The following OSBPL1A variants were observed in gnomAD, a reference collection of about 807,000 sequenced individuals.
OSBPL1A encodes oxysterol-binding protein-related protein 1.
OSBPL1A carries 80 observed loss-of-function variants against 137.1 expected under a neutral mutation model. The observed-to-expected ratio is 0.58, with a 90% confidence interval of 0.49 to 0.70. The LOEUF is 0.70. Among genes scored for constraint, OSBPL1A ranks in the 30% least tolerant of loss-of-function variants. The pLI, the probability that OSBPL1A is intolerant of heterozygous loss-of-function variation, is 0.00. For synonymous variants in OSBPL1A, 365 were observed against 389.7 expected, an observed-to-expected ratio of 0.94 and a Z score of 0.75; for missense variants, 970 against 1,129.4, an observed-to-expected ratio of 0.86 and a Z score of 2.02.
chr18:24,282,315 TAAAA>T (rs559717317), intron 14 of OSBPL1A, among the ~76,000 whole-genome samples: 2 of 152,066 alleles, frequency 1.3e-5, no homozygotes, highest in East Asian at 1.9e-4. Flanking sequence ...AAGCAAGTAA[TAAAA>T]AAAATTATTC....
At chr18:24,248,351 A>G (rs1412637515) in intron 15 of OSBPL1A, among the ~76,000 whole-genome samples, 1 of 152,238 alleles carries the variant, frequency 6.6e-6, no homozygotes, top group Non-Finnish European at 1.5e-5. Flanking sequence ...ACAAAGCCTC[A>G]TGAGCACTAA....
intron 17 of OSBPL1A, among the ~76,000 whole-genome samples, chr18:24,203,498 A>C (rs1356383760): frequency 6.6e-6 from 1 of 152,222 alleles, no homozygotes; most frequent in Non-Finnish European, 1.5e-5. Flanking sequence ...ACTCCCCTTC[A>C]CATCGACAGA....
In OSBPL1A at chr18:24,356,131, G is replaced by A. The variant is rs183082412; in HGVS notation, c.282+10761C>T. On this transcript the variant is annotated intron_variant, in intron 4 of 27. Transcript: ENST00000319481. ...GCAGAGGTTGCAGTGAGCTGAGATC[G>A]CGCCACTGCATTCCAGCCTAGGCAA... Among the ~76,000 whole-genome samples, 305 of 151,922 alleles carry A rather than the reference G, an allele frequency of 2.0e-3. 2 individuals carry two copies. The highest frequency in any genetic ancestry group is 6.5e-3 in the African/African-American group (271 of 41,442).
At chr18:24,288,398 G>A (rs2090109189) in intron 14 of OSBPL1A, among the ~76,000 whole-genome samples, 2 of 152,186 alleles carry the variant, frequency 1.3e-5, no homozygotes, top group Admixed American at 6.5e-5. Flanking sequence ...TTAAGGCTGT[G>A]ACCATTCCAA....
At chr18:24,263,141 C>A (rs1043583464) in intron 15 of OSBPL1A, among the ~76,000 whole-genome samples, 17 of 152,110 alleles carry the variant, frequency 1.1e-4, no homozygotes, top group African/African-American at 4.1e-4. Flanking sequence ...TCTGTTTTGA[C>A]AAGTGTTTTC....
chr18:24,285,411 T>C (rs920852832), intron 14 of OSBPL1A, among the ~76,000 whole-genome samples: 1 of 152,226 alleles, frequency 6.6e-6, no homozygotes, highest in Non-Finnish European at 1.5e-5. Context: ...AAATGTGAAA[T>C]GAAAACTTTT....
chr18:24,250,783 C>G (rs537066830), intron 15 of OSBPL1A, among the ~76,000 whole-genome samples: 1 of 152,188 alleles, frequency 6.6e-6, no homozygotes, highest in Non-Finnish European at 1.5e-5. Context: ...CACAGTGGGA[C>G]AGAGCAATAA....
chr18:24,176,559 T>C (rs1004343586), intron 21 of OSBPL1A, among the ~76,000 whole-genome samples: 14 of 152,238 alleles, frequency 9.2e-5, no homozygotes, highest in African/African-American at 3.4e-4. Flanking sequence ...GATTTTGGAT[T>C]GTATTCTGCA....
At chr18:24,345,118 GAGA>G (rs990356925) in intron 4 of OSBPL1A, among the ~76,000 whole-genome samples, 30 of 151,734 alleles carry the variant, frequency 2.0e-4, no homozygotes, top group African/African-American at 7.0e-4. Flanking sequence ...GCACCCAGCT[GAGA>G]AGAATGTTTA....
At chr18:24,231,096 G>A (rs561662798) in intron 16 of OSBPL1A, among the ~76,000 whole-genome samples, 2 of 152,232 alleles carry the variant, frequency 1.3e-5, no homozygotes, top group South Asian at 4.1e-4. Context: ...ACATTAAGAA[G>A]TGTCAGAATA....
At chr18:24,353,340 A>G (rs1415157672) in intron 4 of OSBPL1A, among the ~76,000 whole-genome samples, 6 of 152,166 alleles carry the variant, frequency 3.9e-5, no homozygotes, top group East Asian at 3.9e-4. Context: ...CTGGCCATCA[A>G]AGAAATGCAA....
chr18:24,201,150 G>A (rs2087209315), intron 17 of OSBPL1A, among the ~76,000 whole-genome samples: 1 of 152,166 alleles, frequency 6.6e-6, no homozygotes, highest in African/African-American at 2.4e-5. Flanking sequence ...CCCTGTACCA[G>A]GGACTGGCAG....
rs75375564 is a variant in OSBPL1A, at chr18:24,306,619, T to G, written c.1093-2901A>C. Among the ~76,000 whole-genome samples, 540 of 152,238 alleles carry G rather than the reference T, an allele frequency of 3.5e-3. 8 individuals carry two copies. The highest frequency in any genetic ancestry group is 0.012 in the African/African-American group (519 of 41,546). On this transcript the variant is annotated intron_variant, in intron 13 of 27. Coordinates refer to ENST00000319481, the MANE Select transcript of OSBPL1A (RefSeq NM_080597.4). ...TATAATGACATTGTCATTATATCAG[T>G]GTCATTAGGTCAGTGGTTGCCAGAG...
At chr18:24,236,600 G>C (rs2088484801) in intron 16 of OSBPL1A, among the ~76,000 whole-genome samples, 1 of 152,162 alleles carries the variant, frequency 6.6e-6, no homozygotes, top group African/African-American at 2.4e-5. Context: ...CTGTGTTCAT[G>C]CAAGTGTAAC....
intron 4 of OSBPL1A, among the ~76,000 whole-genome samples, chr18:24,342,949 A>C (rs1187535464): frequency 6.6e-6 from 1 of 152,136 alleles, no homozygotes; most frequent in Non-Finnish European, 1.5e-5. Context: ...GTGAATTCTT[A>C]TAAAATATCT....
chr18:24,164,468 G>A (rs12604324), intron 27 of OSBPL1A, among the ~76,000 whole-genome samples: 23,267 of 125,282 alleles, frequency 0.19, 2,166 homozygotes, highest in Admixed American at 0.21. Flanking sequence ...TCGCTCTGTC[G>A]CCCAGGCTGG....
At chr18:24,272,472 C>T (rs2089748097) in intron 15 of OSBPL1A, among the ~76,000 whole-genome samples, 1 of 152,016 alleles carries the variant, frequency 6.6e-6, no homozygotes, top group Admixed American at 6.5e-5. Flanking sequence ...ATCCTACTAC[C>T]GTGAAACCTA....
intron 4 of OSBPL1A, among the ~76,000 whole-genome samples, chr18:24,353,537 A>G (rs1378850601): frequency 6.6e-6 from 1 of 151,920 alleles, no homozygotes; most frequent in African/African-American, 2.4e-5. Flanking sequence ...AGAACTAGAA[A>G]TACCATTTGA....
At chr18:24,267,410 C>A (rs1206827101) in intron 15 of OSBPL1A, among the ~76,000 whole-genome samples, 1 of 152,018 alleles carries the variant, frequency 6.6e-6, no homozygotes, top group African/African-American at 2.4e-5. Flanking sequence ...GGAGGGAATA[C>A]TCCTAAACTC....
Sources: gnomAD v4.1 joint callset for allele counts (sites outside exome capture counted in the v4.1 genomes callset) on GRCh38, gnomAD v4.1.1 for gene constraint, MANE v1.5 for transcripts, NCBI Gene and HGNC (gene_info 2026-07-23, HGNC 2026-07-21) for gene names.